The following RHOBTB1 variants were observed in gnomAD, a reference collection of about 807,000 sequenced individuals.
The protein encoded by RHOBTB1 is rho-related BTB domain-containing protein 1.
In RHOBTB1, 40 loss-of-function variants were observed where a neutral mutation model predicts 71.6. The observed-to-expected ratio is 0.56, with a 90% CI of 0.43 to 0.73. RHOBTB1 has a LOEUF of 0.73. Among genes scored for constraint, RHOBTB1 ranks in the 30% least tolerant of loss-of-function variants. RHOBTB1 has a pLI of 0.00. For synonymous variants in RHOBTB1, 319 were observed against 334.9 expected (o/e 0.95, Z 0.52); for missense variants, 797 against 894.0 (o/e 0.89, Z 1.38).
chr10:60,986,404 G>GATATATATATATATATAT (rs34154360), intron 1 of RHOBTB1, among the ~76,000 whole-genome samples: 35 of 67,630 alleles, frequency 5.2e-4, no homozygotes, highest in African/African-American at 1.3e-3. Flanking sequence ...ATAAATAAAA[G>GATATATATATATATATAT]ATATATATAT....
intron 7 of RHOBTB1, among the ~76,000 whole-genome samples, chr10:60,883,536 A>G (rs1029804910): frequency 1.3e-5 from 2 of 152,220 alleles, no homozygotes; most frequent in Non-Finnish European, 2.9e-5. Flanking sequence ...CCTCTGCTGC[A>G]CAATCAGCAT....
At chr10:60,989,617 C>A (rs968025187) in intron 1 of RHOBTB1, among the ~76,000 whole-genome samples, 1 of 152,208 alleles carries the variant, frequency 6.6e-6, no homozygotes, top group African/African-American at 2.4e-5. Flanking sequence ...TCAGTCTAAC[C>A]TCTGCCTTAG....
intron 2 of RHOBTB1, among the ~76,000 whole-genome samples, chr10:60,982,545 T>C (rs544239040): frequency 3.0e-4 from 45 of 152,170 alleles, no homozygotes; most frequent in Non-Finnish European, 5.1e-4. Flanking sequence ...CTAGGGATAT[T>C]AGCAAGCATC....
At chr10:60,944,285 G>T (rs2085112145), upstream of RHOBTB1, 1 of 152,170 alleles carries the variant, frequency 6.6e-6, no homozygotes, top group Non-Finnish European at 1.5e-5. Context: ...CGGAGCACCC[G>T]GCACCTCGCT....
In RHOBTB1 at chr10:60,870,640, A is replaced by C. The variant is rs1370308786; in HGVS notation, c.*842T>G. ...AAGTTCAAGGAATACTGAGAGATGT[A>C]AACCCTAATACAGCAATCCGAACAC... On this transcript the variant is annotated 3_prime_UTR_variant, in exon 11 of 11. Transcript: ENST00000337910. 1 of 152,260 alleles carries C rather than the reference A, an allele frequency of 6.6e-6. No individual in the cohort carries two copies. Among genetic ancestry groups the C allele is most frequent in the Non-Finnish European group, 1.5e-5 (1 of 68,046 alleles). 9.4% of individuals were successfully genotyped at this position (152,260 alleles called of 1,614,324 possible). A position where few individuals can be genotyped will look rare whatever the true frequency, so the allele number is the denominator to read the frequency against.
intron 4 of RHOBTB1, among the ~76,000 whole-genome samples, chr10:60,908,308 C>T (rs557970219): frequency 6.6e-6 from 1 of 152,200 alleles, no homozygotes; most frequent in Non-Finnish European, 1.5e-5. Context: ...TCTGGCTTCT[C>T]TCACTGTCAC....
chr10:60,954,894 A>C (rs1254892080), intron 2 of RHOBTB1, among the ~76,000 whole-genome samples: 1 of 152,112 alleles, frequency 6.6e-6, no homozygotes, highest in Non-Finnish European at 1.5e-5. Flanking sequence ...TTCATATTTT[A>C]TCCTCCTCTT....
intron 2 of RHOBTB1, among the ~76,000 whole-genome samples, chr10:60,938,252 T>A (rs944595904): frequency 6.6e-6 from 1 of 152,212 alleles, no homozygotes; most frequent in South Asian, 2.1e-4. Flanking sequence ...TACCTTGGGT[T>A]TCAGATGTAT....
intron 5 of RHOBTB1, among the ~76,000 whole-genome samples, chr10:60,889,928 C>G (rs74155406): frequency 6.6e-6 from 1 of 152,174 alleles, no homozygotes. Context: ...TCACCTTCAC[C>G]TTTATCAACA....
At chr10:60,863,764 C>T in the RHOBTB1 span, among the ~76,000 whole-genome samples, 1 of 152,158 alleles carries the variant, frequency 6.6e-6, no homozygotes, top group Non-Finnish European at 1.5e-5. Context: ...AACTCCTGAC[C>T]TCAAGTGATC....
upstream of RHOBTB1, among the ~76,000 whole-genome samples, chr10:61,001,748 GC>G (rs1377545539): frequency 6.6e-6 from 1 of 152,204 alleles, no homozygotes; most frequent in African/African-American, 2.4e-5. Flanking sequence ...GGCGCGTGGG[GC>G]TCCTACTGGG....
intron 2 of RHOBTB1, among the ~76,000 whole-genome samples, chr10:60,930,754 C>T (rs1298011724): frequency 6.6e-6 from 1 of 152,130 alleles, no homozygotes; most frequent in Non-Finnish European, 1.5e-5. Flanking sequence ...ATGGCAACTG[C>T]TCAAATCTGT....
intron 2 of RHOBTB1, among the ~76,000 whole-genome samples, chr10:60,952,450 C>T (rs1040249015): frequency 4.6e-5 from 7 of 152,210 alleles, no homozygotes; most frequent in Non-Finnish European, 4.4e-5. Context: ...TTTATACTCA[C>T]TTTCATTAAC....
At chr10:60,952,596 T>A (rs1439989307) in intron 2 of RHOBTB1, among the ~76,000 whole-genome samples, 4 of 152,250 alleles carry the variant, frequency 2.6e-5, no homozygotes, top group Admixed American at 1.3e-4. Context: ...AAGTAGGTAC[T>A]ACTGACAGAG....
At chr10:60,898,929 T>C (rs920908136) in intron 4 of RHOBTB1, among the ~76,000 whole-genome samples, 1 of 152,162 alleles carries the variant, frequency 6.6e-6, no homozygotes, top group African/African-American at 2.4e-5. Flanking sequence ...CTAAGGTAGA[T>C]AATATTGAAA....
At chr10:60,979,421 G>A (rs570365347) in intron 2 of RHOBTB1, among the ~76,000 whole-genome samples, 2 of 152,254 alleles carry the variant, frequency 1.3e-5, no homozygotes, top group South Asian at 4.1e-4. Flanking sequence ...CCTCCATCTC[G>A]TAAGTCTAGC....
chr10:60,929,798 C>A (rs2084126159), intron 2 of RHOBTB1, among the ~76,000 whole-genome samples: 1 of 151,994 alleles, frequency 6.6e-6, no homozygotes. Flanking sequence ...CAGAATAAAC[C>A]AATGTCAGAT....
intron 2 of RHOBTB1, among the ~76,000 whole-genome samples, chr10:60,922,045 G>A (rs1323664815): frequency 6.6e-6 from 1 of 152,060 alleles, no homozygotes; most frequent in Non-Finnish European, 1.5e-5. Context: ...ATGAGTGCTT[G>A]TTTATTTTGT....
chr10:60,960,769 C>G (rs555552769), intron 2 of RHOBTB1, among the ~76,000 whole-genome samples: 1 of 152,136 alleles, frequency 6.6e-6, no homozygotes, highest in African/African-American at 2.4e-5. Flanking sequence ...TGGCCTGCAC[C>G]CTTTGATGTC....
Sources: gnomAD v4.1 joint callset for allele counts (sites outside exome capture counted in the v4.1 genomes callset) on GRCh38, gnomAD v4.1.1 for gene constraint, MANE v1.5 for transcripts, NCBI Gene and HGNC (gene_info 2026-07-23, HGNC 2026-07-21) for gene names.